Variants in ASTN2 observed in about 807,000 individuals in gnomAD.
The protein encoded by ASTN2 is astrotactin-2.
In ASTN2, 54 loss-of-function variants were observed where a neutral mutation model predicts 139.8. The observed-to-expected ratio is 0.39, with a 90% CI of 0.31 to 0.48. The LOEUF (loss-of-function observed/expected upper bound fraction) is 0.48. Among genes scored for constraint, ASTN2 ranks in the 20% least tolerant of loss-of-function variants. The probability of loss-of-function intolerance (pLI) is 0.95; values close to 1 mark genes in which losing one functional copy is unlikely to be tolerated. For missense variants in ASTN2, 1,565 were observed against 1,725.1 expected (o/e 0.91, Z 1.64); for synonymous variants, 756 against 719.5 (o/e 1.05, Z -0.81).
At chr9:116,591,182 G>A (rs1017881531) in intron 19 of ASTN2, among the ~76,000 whole-genome samples, 1 of 152,206 alleles carries the variant, frequency 6.6e-6, no homozygotes, top group African/African-American at 2.4e-5. Context: ...GGAGCTCCCT[G>A]AGCCAGGGCC....
At chr9:117,095,073 G>A (rs1828806603) in intron 5 of ASTN2, among the ~76,000 whole-genome samples, 1 of 152,192 alleles carries the variant, frequency 6.6e-6, no homozygotes, top group African/African-American at 2.4e-5. Flanking sequence ...TCTTTGTGGA[G>A]GTAGGAGAGA....
At chr9:117,090,732 A>C (rs994081794) in intron 5 of ASTN2, among the ~76,000 whole-genome samples, 2 of 152,194 alleles carry the variant, frequency 1.3e-5, no homozygotes, top group Non-Finnish European at 2.9e-5. Flanking sequence ...ACAGGTTAAA[A>C]TCCACCCAGG....
At chr9:117,370,281 C>T (rs1056654561) in intron 1 of ASTN2, among the ~76,000 whole-genome samples, 3 of 152,026 alleles carry the variant, frequency 2.0e-5, no homozygotes, top group African/African-American at 4.8e-5. Flanking sequence ...GAAAAAACAA[C>T]AAAAAACAAA....
Position 116,673,265 on chromosome 9 carries a change from C to T in ASTN2, c.2807-21472G>A, listed in dbSNP as rs558846453. Among the ~76,000 whole-genome samples the T allele has an allele frequency of 5.9e-5, 9 of 152,050 alleles. No individual in the cohort carries two copies. The South Asian group carries it at 1.9e-3, about 32-fold the overall frequency. ...CCTTGCTTTGTTTGTGGGTTTTGTC[C>T]AATTCTTTGTTCAAGCCACCAAGAA... On this transcript the variant is annotated intron_variant, in intron 16 of 22. Coordinates refer to ENST00000313400, the MANE Select transcript of ASTN2 (RefSeq NM_001365068.1).
chr9:116,612,170 A>T (rs1217637802), intron 19 of ASTN2: 1 of 152,222 alleles, frequency 6.6e-6, no homozygotes, highest in Non-Finnish European at 1.5e-5. Flanking sequence ...TCTTCGAGCT[A>T]ACTATCCTAA....
intron 13 of ASTN2, among the ~76,000 whole-genome samples, chr9:116,766,777 T>C (rs533765967): frequency 6.6e-6 from 1 of 151,846 alleles, no homozygotes; most frequent in South Asian, 2.1e-4. Context: ...TACATTCATA[T>C]TCATATACAT....
chr9:117,387,715 C>T (rs1410470771), intron 1 of ASTN2, among the ~76,000 whole-genome samples: 5 of 152,124 alleles, frequency 3.3e-5, no homozygotes, highest in Admixed American at 6.5e-5. Context: ...AGCATCATTC[C>T]CCTAAGGCAA....
intron 2 of ASTN2, among the ~76,000 whole-genome samples, chr9:117,275,660 G>A (rs1834169509): frequency 6.8e-6 from 1 of 147,338 alleles, no homozygotes; most frequent in South Asian, 2.1e-4. Flanking sequence ...CCGCCTCCCA[G>A]ATTCAAGGGA....
intron 19 of ASTN2, among the ~76,000 whole-genome samples, chr9:116,565,147 T>C (rs940111280): frequency 6.6e-6 from 1 of 150,716 alleles, no homozygotes; most frequent in Admixed American, 6.6e-5. Context: ...CATCCCAACC[T>C]AGTATACACA....
At chr9:116,626,154 GTTTTTTTTTTTTTT>G (rs751026997) in intron 17 of ASTN2, among the ~76,000 whole-genome samples, 2,306 of 34,562 alleles carry the variant, frequency 0.067, 94 homozygotes, top group African/African-American at 0.19. Flanking sequence ...TAGTTTTTGT[GTTTTTTTTTTTTTT>G]TTTTTTTTTT....
chr9:116,953,063 T>C (rs899967840), intron 10 of ASTN2, among the ~76,000 whole-genome samples: 3 of 152,168 alleles, frequency 2.0e-5, no homozygotes, highest in Non-Finnish European at 2.9e-5. Flanking sequence ...GTTCTCCATC[T>C]CCGACCCAAT....
At chr9:117,159,107 G>A (rs1418206551) in intron 3 of ASTN2, among the ~76,000 whole-genome samples, 1 of 151,866 alleles carries the variant, frequency 6.6e-6, no homozygotes, top group Non-Finnish European at 1.5e-5. Context: ...TTGGGTAATT[G>A]CAAAAAGTGC....
chr9:117,159,142 G>T (rs1830492193), intron 3 of ASTN2, among the ~76,000 whole-genome samples: 1 of 151,920 alleles, frequency 6.6e-6, no homozygotes, highest in Non-Finnish European at 1.5e-5. Flanking sequence ...TATATAGAAT[G>T]AATAAGTATT....
At chr9:117,319,546 G>A (rs1828257184) in intron 1 of ASTN2, among the ~76,000 whole-genome samples, 2 of 151,592 alleles carry the variant, frequency 1.3e-5, no homozygotes, top group Admixed American at 6.6e-5. Context: ...TCATGCCTCA[G>A]CCTCCAGAGT....
intron 7 of ASTN2, among the ~76,000 whole-genome samples, chr9:116,981,847 ACT>A: frequency 6.6e-6 from 1 of 152,208 alleles, no homozygotes; most frequent in South Asian, 2.1e-4. Flanking sequence ...AAAAGAATTT[ACT>A]CTCTTCACTA....
chr9:116,961,034 G>A (rs911272437), intron 10 of ASTN2, among the ~76,000 whole-genome samples: 3 of 134,662 alleles, frequency 2.2e-5, no homozygotes, highest in Non-Finnish European at 4.9e-5. Flanking sequence ...GGAGAGAAGA[G>A]GTGTATTGTG....
chr9:117,146,215 G>A (rs16934346), intron 3 of ASTN2, among the ~76,000 whole-genome samples: 7,066 of 152,100 alleles, frequency 0.046, 283 homozygotes, highest in African/African-American at 0.11. Flanking sequence ...CCTGGTACCC[G>A]CTGAGCTCTG....
intron 3 of ASTN2, among the ~76,000 whole-genome samples, chr9:117,199,769 TG>T (rs1831640947): frequency 6.6e-6 from 1 of 152,158 alleles, no homozygotes; most frequent in Admixed American, 6.6e-5. Flanking sequence ...GAGGATGAAA[TG>T]TTTTTCCATT....
chr9:117,334,008 A>G (rs1204169232), intron 1 of ASTN2, among the ~76,000 whole-genome samples: 1 of 152,214 alleles, frequency 6.6e-6, no homozygotes, highest in East Asian at 1.9e-4. Flanking sequence ...GCTGCATACC[A>G]GAGGTCAACA....
Sources: gnomAD v4.1 joint callset for allele counts (sites outside exome capture counted in the v4.1 genomes callset) on GRCh38, gnomAD v4.1.1 for gene constraint, MANE v1.5 for transcripts, NCBI Gene and HGNC (gene_info 2026-07-23, HGNC 2026-07-21) for gene names.